Variants in SRPK2 observed in about 807,000 individuals in gnomAD.
SRPK2 encodes SFRS protein kinase 2.
SRPK2 carries 21 observed loss-of-function variants against 90.8 expected under a neutral mutation model. That is an observed-to-expected ratio of 0.23 (90% CI 0.16 to 0.33). The LOEUF (loss-of-function observed/expected upper bound fraction) is 0.33, where lower values mean the gene tolerates loss of function less well. Ranked by LOEUF, SRPK2 falls within the 10% of genes least tolerant of loss-of-function variation. The probability of loss-of-function intolerance (pLI) is 1.00; values close to 1 mark genes in which losing one functional copy is unlikely to be tolerated. For synonymous variants in SRPK2, 288 were observed against 311.1 expected, an observed-to-expected ratio of 0.93 and a Z score of 0.78; for missense variants, 620 against 869.0, an observed-to-expected ratio of 0.71 and a Z score of 3.60.
intron 15 of SRPK2, among the ~76,000 whole-genome samples, chr7:105,121,774 A>C (rs1800416252): frequency 6.6e-6 from 1 of 152,258 alleles, no homozygotes; most frequent in African/African-American, 2.4e-5. Flanking sequence ...CCTTCTAAGG[A>C]AACAGGGAAG....
Position 105,253,689 on chromosome 7 carries a change from T to C in SRPK2, c.72-49904A>G, listed in dbSNP as rs116398189. Among the ~76,000 whole-genome samples, 677 of 152,168 alleles carry C rather than the reference T, an allele frequency of 4.4e-3. 4 individuals are homozygous for C. Among genetic ancestry groups the C allele is most frequent in the African/African-American group, 0.015 (609 of 41,492 alleles). On this transcript the variant is annotated intron_variant, in intron 2 of 15. Transcript: ENST00000393651. ...CGCCCCTGTCCCCCACAAAAGTAATTCAAATTCCAGAAAGAAAAATGAAAA... is the reference window on the plus strand; with the variant it reads ...CGCCCCTGTCCCCCACAAAAGTAATCCAAATTCCAGAAAGAAAAATGAAAA...
intron 2 of SRPK2, among the ~76,000 whole-genome samples, chr7:105,275,436 C>G (rs970361132): frequency 2.0e-5 from 3 of 152,150 alleles, no homozygotes; most frequent in Non-Finnish European, 4.4e-5. Flanking sequence ...GTGATTTCCC[C>G]CATTCATTCT....
chr7:105,265,044 C>G (rs554008766), intron 2 of SRPK2, among the ~76,000 whole-genome samples: 1 of 152,304 alleles, frequency 6.6e-6, no homozygotes, highest in South Asian at 2.1e-4. Context: ...TCTGTTCACA[C>G]AGGATTCTTC....
intron 2 of SRPK2, among the ~76,000 whole-genome samples, chr7:105,359,150 CTTTTTTTTTTTTT>C (rs35765090): frequency 8.0e-4 from 44 of 54,802 alleles, no homozygotes; most frequent in Admixed American, 3.9e-3. Context: ...CAAACCACAG[CTTTTTTTTTTTTT>C]TTTTTTTTTT....
At chr7:105,167,267 A>C in intron 6 of SRPK2, 110 bp downstream of exon 6, 1 of 826,528 alleles carries the variant, frequency 1.2e-6, no homozygotes, top group Non-Finnish European at 1.9e-6. Flanking sequence ...CAATGTTCCT[A>C]GAGTGTTTAT....
chr7:105,387,460 A>C (rs1384348139), intron 2 of SRPK2, among the ~76,000 whole-genome samples: 1 of 151,792 alleles, frequency 6.6e-6, no homozygotes, highest in Non-Finnish European at 1.5e-5. Flanking sequence ...CCGACCAATT[A>C]GTTCTTCAAC....
At chr7:105,126,118 G>A in intron 15 of SRPK2, 130 bp downstream of exon 15, 1 of 807,344 alleles carries the variant, frequency 1.2e-6, no homozygotes, top group South Asian at 1.6e-5. Context: ...TTTTCTATCA[G>A]CATAGGAATT....
chr7:105,365,779 A>AAAACTCTATCTTTT (rs1818976765), intron 2 of SRPK2, among the ~76,000 whole-genome samples: 1 of 151,812 alleles, frequency 6.6e-6, no homozygotes. Context: ...CTGGGAGAAC[A>AAAACTCTATCTTTT]AAACTCTATC....
chr7:105,244,614 C>G (rs1356889522), intron 2 of SRPK2: 13 of 670,078 alleles, frequency 1.9e-5, no homozygotes, highest in Non-Finnish European at 3.4e-5. Flanking sequence ...GCGGCGCCAG[C>G]CCCAGCGCGC....
At chr7:105,303,406 T>C (rs1031868325) in intron 2 of SRPK2, among the ~76,000 whole-genome samples, 3 of 151,772 alleles carry the variant, frequency 2.0e-5, no homozygotes, top group South Asian at 4.2e-4. Context: ...GGCACATACA[T>C]ACATATGTAA....
Position 105,333,203 on chromosome 7 carries a change from CAAAT to C in SRPK2, c.71+55441_71+55444del, listed in dbSNP as rs1356603224. On this transcript the variant is annotated intron_variant, in intron 2 of 15. Coordinates refer to ENST00000393651, the MANE Select transcript of SRPK2 (RefSeq NM_182692.3). ...AGTGAGACTCCATCAAACAAACAAA[CAAAT>C]AAATAAATAGAAACAACCAAAAAGC... 9.2e-5 allele frequency among the ~76,000 whole-genome samples: 14 copies of C among 152,038 alleles called. No homozygotes were observed. In the East Asian group the frequency reaches 1.5e-3, roughly 17 times the overall value.
chr7:105,312,292 T>G (rs2131400366), intron 2 of SRPK2, among the ~76,000 whole-genome samples: 1 of 151,876 alleles, frequency 6.6e-6, no homozygotes, highest in East Asian at 1.9e-4. Context: ...ATACAAAAAT[T>G]AGCCAGGCAT....
intron 2 of SRPK2, among the ~76,000 whole-genome samples, chr7:105,208,183 T>C (rs943526432): frequency 3.9e-5 from 6 of 152,184 alleles, no homozygotes; most frequent in African/African-American, 7.2e-5. Flanking sequence ...TCTTCAAACA[T>C]TGTTGGTGGG....
intron 2 of SRPK2, chr7:105,306,144 T>G: frequency 6.0e-6 from 1 of 166,192 alleles, no homozygotes; most frequent in Non-Finnish European, 1.3e-5. Flanking sequence ...TAAGAGGATT[T>G]TTTTTTAAGG....
At chr7:105,160,150 C>T (rs1300220538) in intron 7 of SRPK2, among the ~76,000 whole-genome samples, 1 of 152,024 alleles carries the variant, frequency 6.6e-6, no homozygotes, top group Non-Finnish European at 1.5e-5. Flanking sequence ...AGTAAATAAA[C>T]CCAGTAAGTT....
chr7:105,129,111 G>A (rs1421249268), intron 13 of SRPK2, among the ~76,000 whole-genome samples: 2 of 152,056 alleles, frequency 1.3e-5, no homozygotes, highest in East Asian at 1.9e-4. Flanking sequence ...ACAGGCGCCC[G>A]CCACCACGCC....
chr7:105,345,538 C>T (rs1365905919), intron 2 of SRPK2, among the ~76,000 whole-genome samples: 3 of 152,048 alleles, frequency 2.0e-5, no homozygotes, highest in Non-Finnish European at 4.4e-5. Context: ...ATAAGGAAAA[C>T]ACATTATATG....
At chr7:105,148,438 A>G (rs1039409088) in intron 7 of SRPK2, among the ~76,000 whole-genome samples, 28 of 152,372 alleles carry the variant, frequency 1.8e-4, no homozygotes, top group African/African-American at 6.3e-4. Context: ...GTGTTTTTCT[A>G]TAATTATTTC....
chr7:105,359,330 TTTTA>T lies in SRPK2; in HGVS notation c.71+29314_71+29317del, dbSNP rs1247312379. The stretch of plus-strand genomic sequence containing the variant: ...CATGCCACCATGTCCAGCTAATTTT[TTTTA>T]TTTTTAGTAGAGATGGGGTTTCACT... On this transcript the variant is annotated intron_variant, in intron 2 of 15. Coordinates refer to ENST00000393651, the MANE Select transcript of SRPK2 (RefSeq NM_182692.3). Among the ~76,000 whole-genome samples, 5 of 151,850 alleles carry T rather than the reference TTTTA, an allele frequency of 3.3e-5. No homozygotes were observed. In the South Asian group the frequency reaches 6.2e-4, roughly 19 times the overall value.
Sources: allele counts gnomAD v4.1 joint callset (sites outside exome capture counted in the v4.1 genomes callset), GRCh38; gene constraint gnomAD v4.1.1; transcripts MANE v1.5; gene names NCBI Gene and HGNC (gene_info 2026-07-23, HGNC 2026-07-21).